The following DENND5B variants were observed in gnomAD, a reference collection of about 807,000 sequenced individuals.
DENND5B encodes the protein DENN domain containing 5B.
In DENND5B, 34 loss-of-function variants were observed where a neutral mutation model predicts 140.6. That is an observed-to-expected ratio of 0.24 (90% CI 0.18 to 0.32). The LOEUF is 0.32. Ranked by LOEUF, DENND5B falls within the 10% of genes least tolerant of loss-of-function variation. DENND5B has a pLI of 1.00. For synonymous variants in DENND5B, 551 were observed against 562.1 expected (o/e 0.98, Z 0.28); for missense variants, 1,142 against 1,560.2 (o/e 0.73, Z 4.52).
chr12:31,461,496 G>T (rs538661599), intron 3 of DENND5B, among the ~76,000 whole-genome samples: 123 of 152,244 alleles, frequency 8.1e-4, no homozygotes, highest in African/African-American at 2.8e-3. Context: ...CCACAAGTCC[G>T]ATTTAAATGT....
chr12:31,422,462 C>A (rs1236606235), intron 11 of DENND5B, among the ~76,000 whole-genome samples: 1 of 150,488 alleles, frequency 6.6e-6, no homozygotes, highest in African/African-American at 2.4e-5. Context: ...AATAGCCGGG[C>A]ATGGGATATG....
chr12:31,469,648 G>GCTA (rs1945449780), intron 3 of DENND5B, among the ~76,000 whole-genome samples: 1 of 152,342 alleles, frequency 6.6e-6, no homozygotes, highest in Non-Finnish European at 1.5e-5. Context: ...GTGGCCTGGT[G>GCTA]CTACGGTTTG....
At chr12:31,398,127 T>A in intron 17 of DENND5B, 48 bp downstream of exon 17, 3 of 1,507,260 alleles carry the variant, frequency 2.0e-6, no homozygotes, top group Non-Finnish European at 2.7e-6. Context: ...AATGGTCACA[T>A]GAAGCCTACA....
Position 31,452,245 on chromosome 12 carries a change from T to A in DENND5B, c.1324A>T (p.Ile442Phe), listed in dbSNP as rs1282512527. Reference sequence around the variant, plus strand: ...CCCTTCAGTAACTCATACATGCTGATGTTATTAGTACAGACATTGCCGTTC... The same window carrying A: ...CCCTTCAGTAACTCATACATGCTGAAGTTATTAGTACAGACATTGCCGTTC... ...KKNGNVCTNN[I>F]SMYELLKGNE... Residue 442 changes from isoleucine (I) to phenylalanine (F), a missense_variant, in exon 5 of 21, where the codon ATC becomes TTC. Coordinates refer to ENST00000389082, the MANE Select transcript of DENND5B (RefSeq NM_144973.4). The A allele has an allele frequency of 1.9e-6, 3 of 1,613,968 alleles. No individual in the cohort carries two copies. Among genetic ancestry groups the A allele is most frequent in the Non-Finnish European group, 2.5e-6 (3 of 1,179,878 alleles).
intron 1 of DENND5B, among the ~76,000 whole-genome samples, chr12:31,573,072 C>T (rs1426526030): frequency 6.6e-6 from 1 of 152,046 alleles, no homozygotes; most frequent in African/African-American, 2.4e-5. Flanking sequence ...GCTCAAAGGC[C>T]TATCTATAAT....
Position 31,511,517 on chromosome 12 carries a change from A to G in DENND5B, c.128-15598T>C, listed in dbSNP as rs377765708. On this transcript the variant is annotated intron_variant, in intron 1 of 20. Transcript: ENST00000389082. ...TTATCTTCCTTTCTTGGTTATCTTA[A>G]TAATACGTGAATATGATGTCTTTTT... Among the ~76,000 whole-genome samples, 9 of 148,358 alleles carry G rather than the reference A, an allele frequency of 6.1e-5. No individual in the cohort carries two copies. In the East Asian group the frequency reaches 1.4e-3, roughly 23 times the overall value.
At chr12:31,547,655 A>G (rs1394064118) in intron 1 of DENND5B, among the ~76,000 whole-genome samples, 3 of 152,152 alleles carry the variant, frequency 2.0e-5, no homozygotes, top group African/African-American at 7.2e-5. Flanking sequence ...CCCACCTCCC[A>G]AAATGCTGGG....
chr12:31,583,054 G>C (rs1950259555), intron 1 of DENND5B, among the ~76,000 whole-genome samples: 1 of 152,176 alleles, frequency 6.6e-6, no homozygotes, highest in Non-Finnish European at 1.5e-5. Flanking sequence ...AGCACTTTGG[G>C]AGGCCAAGGT....
At chr12:31,433,946 G>A (rs542581830) in intron 7 of DENND5B, among the ~76,000 whole-genome samples, 1 of 152,286 alleles carries the variant, frequency 6.6e-6, no homozygotes, top group South Asian at 2.1e-4. Context: ...AGTGTGCCAC[G>A]ACTGCACTCC....
At chr12:31,482,470 T>C (rs909177559) in intron 2 of DENND5B, among the ~76,000 whole-genome samples, 2 of 152,206 alleles carry the variant, frequency 1.3e-5, no homozygotes, top group Non-Finnish European at 2.9e-5. Flanking sequence ...CTTGGAGTCA[T>C]CTTTAACTTC....
intron 1 of DENND5B, among the ~76,000 whole-genome samples, chr12:31,582,854 G>A (rs1950251132): frequency 6.6e-6 from 1 of 152,212 alleles, no homozygotes; most frequent in Non-Finnish European, 1.5e-5. Flanking sequence ...ATGTTACTAG[G>A]GAGACAGCAA....
chr12:31,499,721 A>G, intron 1 of DENND5B: 1 of 1,367,888 alleles, frequency 7.3e-7, no homozygotes, highest in Non-Finnish European at 9.5e-7. Flanking sequence ...ATAAAAACAA[A>G]CAAAAAGCAA....
intron 8 of DENND5B, chr12:31,426,627 GAAGTA>G (rs931254853): frequency 3.8e-5 from 18 of 472,558 alleles, no homozygotes; most frequent in East Asian, 1.9e-4. Flanking sequence ...ACTCCTGTGA[GAAGTA>G]AAGTGACAGA....
intron 1 of DENND5B, among the ~76,000 whole-genome samples, chr12:31,510,570 G>A (rs1345307373): frequency 1.3e-5 from 2 of 152,280 alleles, no homozygotes; most frequent in East Asian, 1.9e-4. Context: ...CTTGCAAGCT[G>A]TCAGCCAGCT....
chr12:31,487,570 GAC>G (rs1392667663), intron 2 of DENND5B, among the ~76,000 whole-genome samples: 1 of 151,892 alleles, frequency 6.6e-6, no homozygotes, highest in African/African-American at 2.4e-5. Flanking sequence ...GGCGTGGTGG[GAC>G]ACACCTGTAG....
chr12:31,470,463 T>C (rs183597740), intron 3 of DENND5B, among the ~76,000 whole-genome samples: 161 of 152,216 alleles, frequency 1.1e-3, no homozygotes, highest in African/African-American at 3.9e-3. Flanking sequence ...TTACCCAGGC[T>C]GGTCTTGAAC....
rs184667937 is a variant in DENND5B at position 31,426,520 on chromosome 12, A to T, written c.2107-96T>A. 3.9e-4 allele frequency: 543 copies of T among 1,397,000 alleles called. 4 individuals are homozygous for T. In the African/African-American group the frequency reaches 6.8e-3, roughly 18 times the overall value. 86.5% of individuals were successfully genotyped at this position (1,397,000 alleles called of 1,614,324 possible). The stretch of plus-strand genomic sequence containing the variant: ...ACAAGTGCAGAGACAAATGAAATGC[A>T]AAAAAGTCCGTAAGTGTATGTGCAT... On this transcript the variant is annotated intron_variant, in intron 8 of 20. Coordinates refer to ENST00000389082, the MANE Select transcript of DENND5B (RefSeq NM_144973.4).
intron 14 of DENND5B, among the ~76,000 whole-genome samples, chr12:31,407,224 G>T (rs1030829639): frequency 1.3e-5 from 2 of 151,944 alleles, no homozygotes; most frequent in African/African-American, 4.8e-5. Flanking sequence ...TCCGCCTCCC[G>T]GGTTCAAGCA....
Position 31,551,215 on chromosome 12 carries a change from A to G in DENND5B, c.127+39491T>C, listed in dbSNP as rs1049781150. Among the ~76,000 whole-genome samples, 85 of 152,162 alleles carry G rather than the reference A, an allele frequency of 5.6e-4. 1 individual carries two copies. The highest frequency in any genetic ancestry group is 2.0e-3 in the African/African-American group (81 of 41,434). On this transcript the variant is annotated intron_variant, in intron 1 of 20. Coordinates refer to ENST00000389082, the MANE Select transcript of DENND5B (RefSeq NM_144973.4). ...TTTTAGGTCTAACATTTAAGTCTTTAATCCATCTTGAATTAATTTTTGTAA... is the reference window on the plus strand; with the variant it reads ...TTTTAGGTCTAACATTTAAGTCTTTGATCCATCTTGAATTAATTTTTGTAA...
Sources: gnomAD v4.1 joint callset for allele counts (sites outside exome capture counted in the v4.1 genomes callset) on GRCh38, gnomAD v4.1.1 for gene constraint, MANE v1.5 for transcripts, NCBI Gene and HGNC (gene_info 2026-07-23, HGNC 2026-07-21) for gene names.